Variants in AUTS2 observed in about 807,000 individuals in gnomAD.
AUTS2 encodes the protein autism susceptibility gene 2 protein.
Under a neutral mutation model 112.4 loss-of-function variants are expected in AUTS2, and 17 were observed. That is an observed-to-expected ratio of 0.15 (90% confidence interval 0.10 to 0.23). The LOEUF (loss-of-function observed/expected upper bound fraction) is 0.23. Among genes scored for constraint, AUTS2 ranks in the 10% least tolerant of loss-of-function variants. The probability of loss-of-function intolerance (pLI) is 1.00; values close to 1 mark genes in which losing one functional copy is unlikely to be tolerated. For missense variants in AUTS2, 1,510 were observed against 1,701.6 expected, an observed-to-expected ratio of 0.89 and a Z score of 1.98; for synonymous variants, 751 against 702.7, an observed-to-expected ratio of 1.07 and a Z score of -1.09.
intron 5 of AUTS2, among the ~76,000 whole-genome samples, chr7:70,540,307 G>A (rs1800499391): frequency 6.6e-6 from 1 of 152,116 alleles, no homozygotes; most frequent in Non-Finnish European, 1.5e-5. Flanking sequence ...CTTTGGGAAG[G>A]GCAGCTACCC....
At chr7:70,232,970 TC>T (rs1812138164) in intron 4 of AUTS2, among the ~76,000 whole-genome samples, 1 of 152,238 alleles carries the variant, frequency 6.6e-6, no homozygotes, top group Admixed American at 6.5e-5. Flanking sequence ...TACTGCTTTT[TC>T]TGCCCCTTGA....
In AUTS2 at chr7:70,682,828, G is replaced by A. The variant is rs373914480; in HGVS notation, c.691-15741G>A. 1.1e-3 allele frequency among the ~76,000 whole-genome samples: 160 copies of A among 152,362 alleles called. 4 individuals are homozygous for A. The highest frequency in any genetic ancestry group is 8.3e-3 in the South Asian group (40 of 4,826). ...GCCACACCCAAGATGGCTTCTTCAC[G>A]TGGCTGGCAAGTTGTCAGGGGCTGT... is the stretch of plus-strand genomic sequence containing the variant. On this transcript the variant is annotated intron_variant, in intron 5 of 18. Transcript: ENST00000342771.
chr7:70,705,635 G>A lies in AUTS2; in HGVS notation c.742+7015G>A, dbSNP rs540261745. Among the ~76,000 whole-genome samples, 18 of 151,870 alleles carry A rather than the reference G, an allele frequency of 1.2e-4. No individual in the cohort carries two copies. The South Asian group carries it at 2.9e-3, about 25-fold the overall frequency. On this transcript the variant is annotated intron_variant, in intron 6 of 18. Coordinates refer to ENST00000342771, the MANE Select transcript of AUTS2 (RefSeq NM_015570.4). Reference sequence around the variant, plus strand: ...GTTCCACTCTCTTTTTTCCCCCTTCGCCTCCTCCACCCCACAGACTTGACT... The same window carrying A: ...GTTCCACTCTCTTTTTTCCCCCTTCACCTCCTCCACCCCACAGACTTGACT...
At chr7:70,084,806 G>A (rs1803508137) in intron 2 of AUTS2, among the ~76,000 whole-genome samples, 1 of 152,122 alleles carries the variant, frequency 6.6e-6, no homozygotes, top group Non-Finnish European at 1.5e-5. Context: ...TGCTTCCAGT[G>A]TGTTGTTTGT....
Position 70,424,304 on chromosome 7 carries a change from C to G in AUTS2, c.661-11448C>G, listed in dbSNP as rs568874804. ...CTGCATTCACTGCTGCTTGTAGGCG[C>G]TGCAATCTCTTTTCGGTTTCAGCTT... On this transcript the variant is annotated intron_variant, in intron 4 of 18. Transcript: ENST00000342771. Among the ~76,000 whole-genome samples the G allele has an allele frequency of 2.6e-5, 4 of 152,276 alleles. 1 individual carries two copies. In the South Asian group the frequency reaches 8.3e-4, roughly 32 times the overall value.
At position 70,473,225 on chromosome 7, in the gene AUTS2, A is replaced by G. The variant is rs574207949; in HGVS notation, c.690+37444A>G. 3.9e-5 allele frequency among the ~76,000 whole-genome samples: 6 copies of G among 152,328 alleles called. No individual in the cohort carries two copies. The South Asian group carries it at 1.0e-3, about 26-fold the overall frequency. The stretch of plus-strand genomic sequence containing the variant: ...CGTCTTTAAAATATACTGTACACAT[A>G]CATTCCAATTTTATAAGACTAACAT... On this transcript the variant is annotated intron_variant, in intron 5 of 18. Coordinates refer to ENST00000342771, the MANE Select transcript of AUTS2 (RefSeq NM_015570.4).
intron 4 of AUTS2, among the ~76,000 whole-genome samples, chr7:70,253,137 C>T (rs529592071): frequency 5.3e-5 from 8 of 152,268 alleles, no homozygotes; most frequent in African/African-American, 1.9e-4. Flanking sequence ...GTGGTGTCCA[C>T]ATCTAAAATG....
At chr7:70,143,781 A>G (rs1390309225) in intron 4 of AUTS2, among the ~76,000 whole-genome samples, 2 of 152,148 alleles carry the variant, frequency 1.3e-5, no homozygotes, top group Admixed American at 6.5e-5. Context: ...TAATATAATC[A>G]CAGATTTGGA....
intron 2 of AUTS2, among the ~76,000 whole-genome samples, chr7:69,972,672 TG>T (rs1797900698): frequency 1.4e-5 from 1 of 69,218 alleles, no homozygotes; most frequent in African/African-American, 5.1e-5. Flanking sequence ...TGTGCGTGCA[TG>T]TGTGTGTGTG....
intron 4 of AUTS2, among the ~76,000 whole-genome samples, chr7:70,380,416 G>T (rs1348461131): frequency 1.3e-5 from 2 of 152,186 alleles, no homozygotes; most frequent in African/African-American, 2.4e-5. Flanking sequence ...ACTGGAGACT[G>T]CCTGGAAGCC....
At chr7:70,228,156 A>G (rs1296012358) in intron 4 of AUTS2, among the ~76,000 whole-genome samples, 1 of 151,888 alleles carries the variant, frequency 6.6e-6, no homozygotes, top group Non-Finnish European at 1.5e-5. Context: ...TTTTATCATT[A>G]TAAAATCTCT....
intron 4 of AUTS2, among the ~76,000 whole-genome samples, chr7:70,405,348 C>A (rs898718432): frequency 1.3e-5 from 2 of 152,180 alleles, no homozygotes; most frequent in Non-Finnish European, 2.9e-5. Flanking sequence ...TTCATAGACT[C>A]AGAGAAAGTC....
intron 2 of AUTS2, among the ~76,000 whole-genome samples, chr7:70,115,147 G>C (rs1317294835): frequency 6.6e-6 from 1 of 152,138 alleles, no homozygotes; most frequent in Admixed American, 6.5e-5. Context: ...ATTTACGTCA[G>C]GTCCACTGAA....
intron 5 of AUTS2, among the ~76,000 whole-genome samples, chr7:70,539,339 G>C (rs1480773583): frequency 2.0e-5 from 3 of 152,172 alleles, no homozygotes; most frequent in Admixed American, 6.5e-5. Flanking sequence ...GTTTGGTCTT[G>C]CAGATTTTGT....
At position 70,022,764 on chromosome 7, in the gene AUTS2, G is replaced by A. The variant is rs929177267; in HGVS notation, c.523-95368G>A. On this transcript the variant is annotated intron_variant, in intron 2 of 18. Transcript: ENST00000342771. Reference sequence around the variant, plus strand: ...GTTGTGTGCTAGTCAGGTGCTAGGTGCTTTGCTTTTTGCATTCTCATTTAA... The same window carrying A: ...GTTGTGTGCTAGTCAGGTGCTAGGTACTTTGCTTTTTGCATTCTCATTTAA... Among the ~76,000 whole-genome samples, 16 of 152,248 alleles carry A rather than the reference G, an allele frequency of 1.1e-4. No homozygotes were observed. The South Asian group carries it at 3.3e-3, about 32-fold the overall frequency.
chr7:70,101,552 G>A (rs897465272), intron 2 of AUTS2, among the ~76,000 whole-genome samples: 17 of 151,918 alleles, frequency 1.1e-4, no homozygotes, highest in Non-Finnish European at 2.1e-4. Context: ...AAAATTAGCC[G>A]GGCATGGTGG....
intron 4 of AUTS2, among the ~76,000 whole-genome samples, chr7:70,163,718 A>G (rs1328555471): frequency 6.6e-6 from 1 of 152,084 alleles, no homozygotes. Context: ...AAGATATTCC[A>G]CCAATACAAG....
intron 2 of AUTS2, among the ~76,000 whole-genome samples, chr7:69,992,472 A>G (rs1167540049): frequency 6.6e-6 from 1 of 152,304 alleles, no homozygotes; most frequent in East Asian, 1.9e-4. Flanking sequence ...TTGGATGGTG[A>G]TCCTCCCTGT....
intron 4 of AUTS2, among the ~76,000 whole-genome samples, chr7:70,171,628 G>A (rs1808692798): frequency 6.6e-6 from 1 of 152,194 alleles, no homozygotes; most frequent in African/African-American, 2.4e-5. Flanking sequence ...CAGGTCACGG[G>A]CTTTAGTCAA....
Sources: allele counts gnomAD v4.1 joint callset (sites outside exome capture counted in the v4.1 genomes callset), GRCh38; gene constraint gnomAD v4.1.1; transcripts MANE v1.5; gene names NCBI Gene and HGNC (gene_info 2026-07-23, HGNC 2026-07-21).